Variants in ZPBP observed in about 807,000 individuals in gnomAD.
The protein encoded by ZPBP is zona pellucida binding protein.
In ZPBP, 26 loss-of-function variants were observed where a neutral mutation model predicts 44.8. The ratio of observed to expected loss-of-function variants is 0.58; its 90% CI spans 0.43 to 0.81. The LOEUF is 0.81. ZPBP is among the 30% of genes least tolerant of loss of function. ZPBP has a pLI of 0.00. For synonymous variants in ZPBP, 174 were observed against 153.2 expected (o/e 1.14, Z -1.00); for missense variants, 409 against 434.0 (o/e 0.94, Z 0.51).
At chr7:50,076,856 C>G (rs1802114640) in intron 3 of ZPBP, among the ~76,000 whole-genome samples, 1 of 151,874 alleles carries the variant, frequency 6.6e-6, no homozygotes, top group African/African-American at 2.4e-5. Flanking sequence ...CAATCCCTAT[C>G]AAAATGCCAA....
intron 4 of ZPBP, among the ~76,000 whole-genome samples, chr7:50,035,728 T>G (rs141244392): frequency 2.4e-3 from 372 of 152,132 alleles, no homozygotes; most frequent in African/African-American, 8.3e-3. Flanking sequence ...CTATATAGAT[T>G]AAAAGAGCAA....
At chr7:49,876,644 T>C (rs891692580) in intron 2 of ZPBP, among the ~76,000 whole-genome samples, 4 of 152,124 alleles carry the variant, frequency 2.6e-5, no homozygotes, top group Non-Finnish European at 4.4e-5. Flanking sequence ...AAGAATTGCC[T>C]TGTTGTTTTT....
At chr7:49,977,871 G>A (rs776088610) in intron 7 of ZPBP, among the ~76,000 whole-genome samples, 3 of 152,094 alleles carry the variant, frequency 2.0e-5, no homozygotes, top group Non-Finnish European at 4.4e-5. Flanking sequence ...CAAACTCAGT[G>A]TATGTAAGAA....
At chr7:49,919,677 A>C (rs1241774359) in intron 1 of ZPBP, 1 of 152,276 alleles carries the variant, frequency 6.6e-6, no homozygotes, top group Non-Finnish European at 1.5e-5. Context: ...TTAAAACAAA[A>C]ACAAAGATTG....
intron 4 of ZPBP, among the ~76,000 whole-genome samples, chr7:50,048,282 T>A (rs1449408039): frequency 6.6e-6 from 1 of 151,990 alleles, no homozygotes; most frequent in East Asian, 1.9e-4. Flanking sequence ...ATTGGAGACA[T>A]CAATATCCCA....
chr7:50,022,143 C>A (rs1799129768), intron 5 of ZPBP, among the ~76,000 whole-genome samples: 1 of 151,996 alleles, frequency 6.6e-6, no homozygotes, highest in Non-Finnish European at 1.5e-5. Flanking sequence ...AAATCAACAG[C>A]TGATGAAGAA....
intron 2 of ZPBP, among the ~76,000 whole-genome samples, chr7:49,882,536 C>G (rs1010171753): frequency 6.6e-6 from 1 of 151,656 alleles, no homozygotes; most frequent in Non-Finnish European, 1.5e-5. Flanking sequence ...GAGGGACACA[C>G]AGAGAGAGAG....
At chr7:49,880,738 G>T (rs1403419349) in intron 2 of ZPBP, among the ~76,000 whole-genome samples, 1 of 151,994 alleles carries the variant, frequency 6.6e-6, no homozygotes, top group South Asian at 2.1e-4. Context: ...TGTAAATGAC[G>T]AGTTAACGGA....
At chr7:49,888,368 T>G (rs1291886949) in intron 2 of ZPBP, among the ~76,000 whole-genome samples, 1 of 152,270 alleles carries the variant, frequency 6.6e-6, no homozygotes, top group Non-Finnish European at 1.5e-5. Flanking sequence ...CTAAATTTAG[T>G]TCTTGTTCAG....
intron 1 of ZPBP, among the ~76,000 whole-genome samples, chr7:49,901,771 A>G (rs1792743154): frequency 1.4e-5 from 2 of 148,072 alleles, no homozygotes; most frequent in Non-Finnish European, 2.9e-5. Context: ...AACTTAATAT[A>G]AAGCAATGGT....
At chr7:49,841,349 C>T in the ZPBP span, among the ~76,000 whole-genome samples, 1 of 149,472 alleles carries the variant, frequency 6.7e-6, no homozygotes, top group Non-Finnish European at 1.5e-5. Context: ...CAGGAAAAAG[C>T]AGTAAACAGA....
At chr7:49,894,316 C>T (rs906738227) in intron 2 of ZPBP, among the ~76,000 whole-genome samples, 9 of 152,152 alleles carry the variant, frequency 5.9e-5, no homozygotes, top group South Asian at 2.1e-4. Context: ...CCGCCATGCC[C>T]GGCTAATTTT....
At chr7:49,857,627 AT>A (rs1417264080) in intron 2 of ZPBP, among the ~76,000 whole-genome samples, 3 of 152,298 alleles carry the variant, frequency 2.0e-5, no homozygotes, top group African/African-American at 7.2e-5. Context: ...CAAAATGGCT[AT>A]TAACAAAAAT....
chr7:50,016,675 C>T (rs2034698864), intron 6 of ZPBP, among the ~76,000 whole-genome samples: 1 of 152,122 alleles, frequency 6.6e-6, no homozygotes, highest in South Asian at 2.1e-4. Context: ...TGCTTTAACA[C>T]ACATTCCAAC....
chr7:50,054,512 C>A (rs933286497), intron 4 of ZPBP, among the ~76,000 whole-genome samples: 13 of 152,052 alleles, frequency 8.5e-5, no homozygotes, highest in Non-Finnish European at 4.4e-5. Flanking sequence ...CAATGAGTCA[C>A]CATTTTATAC....
intron 4 of ZPBP, among the ~76,000 whole-genome samples, chr7:50,035,610 T>C (rs1026306362): frequency 2.0e-5 from 3 of 152,112 alleles, no homozygotes; most frequent in Non-Finnish European, 4.4e-5. Flanking sequence ...AGGCAAAATA[T>C]ATAAACTGAA....
intron 2 of ZPBP, 43 bp from the exon 3 acceptor site, chr7:50,081,942 T>G (rs944673716): frequency 3.8e-6 from 6 of 1,597,398 alleles, no homozygotes; most frequent in Non-Finnish European, 5.1e-6. Flanking sequence ...TATTTTATCT[T>G]CTTTTCTTTC....
At chr7:49,941,876 A>T (rs1352055811) in intron 7 of ZPBP, among the ~76,000 whole-genome samples, 1 of 152,176 alleles carries the variant, frequency 6.6e-6, no homozygotes, top group African/African-American at 2.4e-5. Context: ...CAAAGCTGCA[A>T]TAATCAAAAC....
chr7:49,870,381 C>T (rs899496763), intron 2 of ZPBP, among the ~76,000 whole-genome samples: 17 of 152,188 alleles, frequency 1.1e-4, no homozygotes, highest in Non-Finnish European at 1.5e-4. Context: ...CCCTGGGTGA[C>T]GCAGTGAGAC....
Sources: gnomAD v4.1 joint callset for allele counts (sites outside exome capture counted in the v4.1 genomes callset) on GRCh38, gnomAD v4.1.1 for gene constraint, MANE v1.5 for transcripts, NCBI Gene and HGNC (gene_info 2026-07-23, HGNC 2026-07-21) for gene names.